The following SLC37A3 variants were observed in gnomAD, a reference collection of about 807,000 sequenced individuals.
The protein encoded by SLC37A3 is sugar phosphate exchanger 3.
A neutral mutation model predicts 67.1 loss-of-function variants in SLC37A3; 51 were observed. The observed-to-expected ratio is 0.76, with a 90% CI of 0.61 to 0.96. The LOEUF is 0.96. SLC37A3 is among the 40% of genes least tolerant of loss of function. SLC37A3 has a pLI of 0.00. For missense variants in SLC37A3, 508 were observed against 603.0 expected (o/e 0.84, Z 1.65); for synonymous variants, 214 against 231.4 (o/e 0.92, Z 0.68).
intron 3 of SLC37A3, among the ~76,000 whole-genome samples, chr7:140,379,722 A>C (rs1357098104): frequency 6.8e-6 from 1 of 146,898 alleles, no homozygotes; most frequent in Non-Finnish European, 1.5e-5. Context: ...GTGAAACCCC[A>C]TCTCTACAAA....
intron 9 of SLC37A3, among the ~76,000 whole-genome samples, chr7:140,349,533 GA>G (rs1235908521): frequency 7.7e-6 from 1 of 129,994 alleles, no homozygotes; most frequent in South Asian, 3.0e-4. Flanking sequence ...AGCATCAAAG[GA>G]AAAAGGGGGG....
In SLC37A3 at chr7:140,367,501, A is replaced by G. The variant is rs544426239; in HGVS notation, c.291+2089T>C. ...ATAACTAACCAAATAAACATTTAGA[A>G]ACTACTTCAGAACTTTTACCCAGTA... On this transcript the variant is annotated intron_variant, in intron 4 of 14. Coordinates refer to ENST00000326232, the MANE Select transcript of SLC37A3 (RefSeq NM_207113.3). 2.0e-5 allele frequency among the ~76,000 whole-genome samples: 3 copies of G among 152,318 alleles called. No homozygotes were observed. The South Asian group carries it at 6.2e-4, about 32-fold the overall frequency.
chr7:140,333,767 A>G lies in SLC37A3; in HGVS notation c.*1645T>C, dbSNP rs1796031472. The G allele has an allele frequency of 2.0e-5, 3 of 152,622 alleles. No homozygotes were observed. 9.5% of individuals were successfully genotyped at this position (152,622 alleles called of 1,614,324 possible). On this transcript the variant is annotated 3_prime_UTR_variant, in exon 15 of 15. Transcript: ENST00000326232. ...GAAATGGAGATTCATTATAAAAGTC[A>G]GTTTATTTTCCCTTTCTGTGTTTCG...
intron 3 of SLC37A3, among the ~76,000 whole-genome samples, chr7:140,376,940 AT>A (rs34892110): frequency 0.1 from 11,431 of 110,478 alleles, 478 homozygotes; most frequent in East Asian, 0.26. Flanking sequence ...CACCCAGCTA[AT>A]TTTTTTTTTT....
chr7:140,382,550 C>T lies in SLC37A3; in HGVS notation c.-24G>A, dbSNP rs1454372636. The stretch of plus-strand genomic sequence containing the variant: ...ATGTTCTTCCTGACCTTCCTTCTCA[C>T]CTTTGACCTTAAGGTTTGGATGAGT... On this transcript the variant is annotated 5_prime_UTR_variant, in exon 2 of 15. The change creates a new upstream start codon in the 5' untranslated region. Transcript: ENST00000326232. The T allele has an allele frequency of 6.2e-7, 1 of 1,607,794 alleles. No homozygotes were observed.
At chr7:140,354,585 G>A (rs1477280471) in intron 7 of SLC37A3, among the ~76,000 whole-genome samples, 1 of 152,104 alleles carries the variant, frequency 6.6e-6, no homozygotes, top group Non-Finnish European at 1.5e-5. Flanking sequence ...TGAATAAGCA[G>A]TGAGTAGAAT....
chr7:140,342,932 G>C (rs1796414191), intron 13 of SLC37A3, among the ~76,000 whole-genome samples: 1 of 152,220 alleles, frequency 6.6e-6, no homozygotes, highest in South Asian at 2.1e-4. Context: ...ACAGGAAGCA[G>C]AGCGAGTGAT....
At chr7:140,384,725 G>A (rs1193871149) in intron 1 of SLC37A3, among the ~76,000 whole-genome samples, 5 of 151,674 alleles carry the variant, frequency 3.3e-5, no homozygotes, top group African/African-American at 4.9e-5. Context: ...CCTGCCCCCC[G>A]CCGCACCAAA....
intron 5 of SLC37A3, among the ~76,000 whole-genome samples, chr7:140,361,087 T>C (rs1797249007): frequency 6.6e-6 from 1 of 152,002 alleles, no homozygotes. Context: ...AGGTGTCATT[T>C]GGCCAATGCT....
chr7:140,358,916 A>C lies in SLC37A3; in HGVS notation c.376-131T>G, dbSNP rs897917805. 1.4e-5 allele frequency: 16 copies of C among 1,155,718 alleles called. No individual in the cohort carries two copies. In the African/African-American group the frequency reaches 2.4e-4, roughly 18 times the overall value. 71.6% of individuals were successfully genotyped at this position (1,155,718 alleles called of 1,614,324 possible). ...CTCACACAGCCAGTGCCTGTAAGTC[A>C]CGTGGCCAGCATCACAAAGGTCCTG... On this transcript the variant is annotated intron_variant, in intron 5 of 14. Transcript: ENST00000326232.
chr7:140,397,234 C>T (rs1194756676), intron 1 of SLC37A3, among the ~76,000 whole-genome samples: 11 of 149,030 alleles, frequency 7.4e-5, no homozygotes, highest in Non-Finnish European at 1.3e-4. Context: ...GGCTCTGTCA[C>T]CCAGGCTGGA....
chr7:140,343,358 C>T, intron 13 of SLC37A3, 54 bp downstream of exon 13: 4 of 1,610,242 alleles, frequency 2.5e-6, no homozygotes, highest in Non-Finnish European at 3.4e-6. Flanking sequence ...GGTTCACATT[C>T]AGCCGCCTTT....
chr7:140,344,878 G>A (rs1796492079), intron 12 of SLC37A3, among the ~76,000 whole-genome samples: 1 of 152,268 alleles, frequency 6.6e-6, no homozygotes, highest in Non-Finnish European at 1.5e-5. Context: ...GAGGAGACAC[G>A]AGCTATTGTG....
chr7:140,395,162 G>T (rs1206348228), intron 1 of SLC37A3, among the ~76,000 whole-genome samples: 1 of 151,566 alleles, frequency 6.6e-6, no homozygotes, highest in African/African-American at 2.4e-5. Context: ...TGGATCACGA[G>T]GTTAGGAGTT....
chr7:140,360,565 C>A (rs1797225676), intron 5 of SLC37A3, among the ~76,000 whole-genome samples: 1 of 151,498 alleles, frequency 6.6e-6, no homozygotes, highest in Non-Finnish European at 1.5e-5. Flanking sequence ...GAAACCCTGA[C>A]TCTACTAAAA....
At chr7:140,356,409 C>T (rs1471031446) in intron 6 of SLC37A3, among the ~76,000 whole-genome samples, 4 of 152,048 alleles carry the variant, frequency 2.6e-5, no homozygotes, top group African/African-American at 7.2e-5. Flanking sequence ...AGTGGCCAGG[C>T]GAGGGCTCAC....
chr7:140,385,416 A>C (rs1798410984), intron 1 of SLC37A3, among the ~76,000 whole-genome samples: 1 of 152,212 alleles, frequency 6.6e-6, no homozygotes, highest in Admixed American at 6.5e-5. Context: ...ATGAAACCCA[A>C]GTGGAAAAAC....
intron 3 of SLC37A3, among the ~76,000 whole-genome samples, chr7:140,376,940 A>T (rs1798053493): frequency 9.0e-6 from 1 of 110,526 alleles, no homozygotes; most frequent in African/African-American, 3.6e-5. Context: ...CACCCAGCTA[A>T]TTTTTTTTTT....
chr7:140,356,683 AAAAGCAAAAC>A (rs984380293), intron 6 of SLC37A3, among the ~76,000 whole-genome samples: 3 of 152,114 alleles, frequency 2.0e-5, no homozygotes, highest in African/African-American at 7.2e-5. Flanking sequence ...ACCCTGTTTC[AAAAGCAAAAC>A]AAAGCAAAAA....
Sources: gnomAD v4.1 joint callset for allele counts (sites outside exome capture counted in the v4.1 genomes callset) on GRCh38, gnomAD v4.1.1 for gene constraint, MANE v1.5 for transcripts, NCBI Gene and HGNC (gene_info 2026-07-23, HGNC 2026-07-21) for gene names.